The following SSBP2 variants were observed in gnomAD, a reference collection of about 807,000 sequenced individuals.
The protein encoded by SSBP2 is single-stranded DNA-binding protein 2.
SSBP2 carries 17 observed loss-of-function variants against 61.8 expected under a neutral mutation model. The ratio of observed to expected loss-of-function variants is 0.28; its 90% CI spans 0.19 to 0.41. The LOEUF (loss-of-function observed/expected upper bound fraction) is 0.41, where lower values mean the gene tolerates loss of function less well. Among genes scored for constraint, SSBP2 ranks in the 10% least tolerant of loss-of-function variants. SSBP2 has a pLI of 1.00. For synonymous variants in SSBP2, 139 were observed against 141.3 expected, an observed-to-expected ratio of 0.98 and a Z score of 0.12; for missense variants, 310 against 458.7, an observed-to-expected ratio of 0.68 and a Z score of 2.96.
At chr5:81,537,003 CA>C (rs34205177) in intron 4 of SSBP2, among the ~76,000 whole-genome samples, 100,903 of 145,550 alleles carry the variant, frequency 0.69, 36,015 homozygotes, top group African/African-American at 0.9. Flanking sequence ...GACTCTGTCT[CA>C]AAAAAAAAAA....
At chr5:81,431,300 A>C (rs1207195017) in intron 15 of SSBP2, among the ~76,000 whole-genome samples, 1 of 152,200 alleles carries the variant, frequency 6.6e-6, no homozygotes, top group Non-Finnish European at 1.5e-5. Flanking sequence ...ATTTCAATGA[A>C]TATGTACTTT....
At chr5:81,514,566 A>C (rs1228348104) in intron 4 of SSBP2, among the ~76,000 whole-genome samples, 1 of 152,092 alleles carries the variant, frequency 6.6e-6, no homozygotes, top group Non-Finnish European at 1.5e-5. Context: ...TACTAAAAAC[A>C]GTCGAGAAGG....
intron 4 of SSBP2, among the ~76,000 whole-genome samples, chr5:81,529,135 A>G (rs974012565): frequency 6.6e-6 from 1 of 152,136 alleles, no homozygotes; most frequent in Admixed American, 6.6e-5. Context: ...CGAAAAAGAA[A>G]GAAATTATTA....
chr5:81,519,927 C>G (rs1769332114), intron 4 of SSBP2, among the ~76,000 whole-genome samples: 1 of 151,984 alleles, frequency 6.6e-6, no homozygotes, highest in Admixed American at 6.6e-5. Context: ...CATTCTCCAG[C>G]CTTTTAAAGG....
chr5:81,437,004 A>G (rs1762713738), intron 15 of SSBP2, among the ~76,000 whole-genome samples: 1 of 152,188 alleles, frequency 6.6e-6, no homozygotes, highest in Admixed American at 6.5e-5. Flanking sequence ...TTGCAAGATG[A>G]ATTGGATACG....
Position 81,616,849 on chromosome 5 carries a change from C to G in SSBP2, c.198-1292G>C, listed in dbSNP as rs563459570. 3.0e-3 allele frequency among the ~76,000 whole-genome samples: 461 copies of G among 152,250 alleles called. 3 individuals carry two copies. Among genetic ancestry groups the G allele is most frequent in the African/African-American group, 0.011 (440 of 41,516 alleles). On this transcript the variant is annotated intron_variant, in intron 3 of 16. Coordinates refer to ENST00000320672, the MANE Select transcript of SSBP2 (RefSeq NM_012446.5). Reference sequence around the variant, plus strand: ...ACCCCCCAGCAGGGGCAGACTGACACCTCACACAGCCGGGTACTCCAACAG... The same window carrying G: ...ACCCCCCAGCAGGGGCAGACTGACAGCTCACACAGCCGGGTACTCCAACAG...
intron 1 of SSBP2, among the ~76,000 whole-genome samples, chr5:81,651,471 TGA>T (rs1749723554): frequency 1.3e-5 from 2 of 152,182 alleles, no homozygotes; most frequent in Non-Finnish European, 2.9e-5. Flanking sequence ...ATACTTAAAA[TGA>T]GAGTTATTCT....
intron 5 of SSBP2, among the ~76,000 whole-genome samples, chr5:81,497,366 T>C (rs1297500034): frequency 6.6e-6 from 1 of 152,150 alleles, no homozygotes; most frequent in East Asian, 1.9e-4. Flanking sequence ...AAATGTTCAG[T>C]AAATATTTGG....
rs562191253 is a variant in SSBP2 at position 81,532,752 on chromosome 5, C to G, written c.283-19035G>C. Among the ~76,000 whole-genome samples, 14 of 151,354 alleles carry G rather than the reference C, an allele frequency of 9.2e-5. No individual in the cohort carries two copies. In the East Asian group the frequency reaches 1.6e-3, roughly 17 times the overall value. On this transcript the variant is annotated intron_variant, in intron 4 of 16. Coordinates refer to ENST00000320672, the MANE Select transcript of SSBP2 (RefSeq NM_012446.5). ...AGAAGCAGGGTACTTGTATAAATAC[C>G]AGATAAATTAGACTTCAGGACAAGG...
At chr5:81,456,298 T>G (rs977216489) in intron 10 of SSBP2, among the ~76,000 whole-genome samples, 4 of 151,806 alleles carry the variant, frequency 2.6e-5, no homozygotes, top group Admixed American at 2.6e-4. Context: ...TTTATGCCTA[T>G]CCCCTCTTTT....
chr5:81,472,568 T>C (rs1765318774), intron 8 of SSBP2, among the ~76,000 whole-genome samples: 2 of 152,174 alleles, frequency 1.3e-5, no homozygotes, highest in South Asian at 4.1e-4. Flanking sequence ...ACTTACTCTT[T>C]AATATTTTCA....
In SSBP2 at chr5:81,688,687, AG is replaced by A. The variant is rs569038148; in HGVS notation, c.63-38349del. Among the ~76,000 whole-genome samples the A allele has an allele frequency of 2.6e-5, 4 of 152,356 alleles. No homozygotes were observed. In the South Asian group the frequency reaches 8.3e-4, roughly 32 times the overall value. On this transcript the variant is annotated intron_variant, in intron 1 of 16. Coordinates refer to ENST00000320672, the MANE Select transcript of SSBP2 (RefSeq NM_012446.5). ...AAGGCAGTACCTCTACAAGTCTGCAAGAACCACAGCTTTATTGGGTTTGGGG... is the reference window on the plus strand; with the variant it reads ...AAGGCAGTACCTCTACAAGTCTGCAAAACCACAGCTTTATTGGGTTTGGGG...
At chr5:81,675,537 G>A (rs1173547606) in intron 1 of SSBP2, among the ~76,000 whole-genome samples, 1 of 152,118 alleles carries the variant, frequency 6.6e-6, no homozygotes, top group African/African-American at 2.4e-5. Context: ...GAAACTGCCA[G>A]CTTATCTCTG....
chr5:81,598,603 T>A (rs1744031591), intron 4 of SSBP2, among the ~76,000 whole-genome samples: 1 of 152,170 alleles, frequency 6.6e-6, no homozygotes. Flanking sequence ...AACCCACCCT[T>A]CTTATTGATA....
chr5:81,445,543 T>C (rs924306068), intron 12 of SSBP2, among the ~76,000 whole-genome samples: 1 of 152,136 alleles, frequency 6.6e-6, no homozygotes, highest in Non-Finnish European at 1.5e-5. Flanking sequence ...CTATCTTCGA[T>C]GAATTGTATC....
chr5:81,694,967 T>C (rs1753492983), intron 1 of SSBP2, among the ~76,000 whole-genome samples: 1 of 152,094 alleles, frequency 6.6e-6, no homozygotes, highest in African/African-American at 2.4e-5. Context: ...ACCACTGAAT[T>C]CCAGCATGGG....
intron 5 of SSBP2, among the ~76,000 whole-genome samples, chr5:81,496,533 T>A (rs1352765518): frequency 6.6e-6 from 1 of 152,188 alleles, no homozygotes. Context: ...TAAGAAAATA[T>A]AAACTTACAA....
chr5:81,492,495 C>T (rs1766931724), intron 5 of SSBP2, among the ~76,000 whole-genome samples: 1 of 152,082 alleles, frequency 6.6e-6, no homozygotes, highest in Non-Finnish European at 1.5e-5. Flanking sequence ...CAGAGCAAGA[C>T]TCTTTCTCAA....
At chr5:81,679,699 C>A (rs1160660319) in intron 1 of SSBP2, among the ~76,000 whole-genome samples, 4 of 152,174 alleles carry the variant, frequency 2.6e-5, no homozygotes, top group Non-Finnish European at 1.5e-5. Context: ...CAAGTGCCAA[C>A]AAATAGAAAA....
Sources: allele counts gnomAD v4.1 joint callset (sites outside exome capture counted in the v4.1 genomes callset), GRCh38; gene constraint gnomAD v4.1.1; transcripts MANE v1.5; gene names NCBI Gene and HGNC (gene_info 2026-07-23, HGNC 2026-07-21).